Variants in PCCB observed in about 807,000 individuals in gnomAD.
The protein encoded by PCCB is propionyl-CoA carboxylase subunit beta.
PCCB carries 43 observed loss-of-function variants against 60.7 expected under a neutral mutation model. That is an observed-to-expected ratio of 0.71 (90% CI 0.55 to 0.91). PCCB has a LOEUF of 0.91. Among genes scored for constraint, PCCB ranks in the 40% least tolerant of loss-of-function variants. The pLI is 0.00. For missense variants in PCCB, 766 were observed against 702.8 expected (o/e 1.09, Z -1.02); for synonymous variants, 276 against 255.9 (o/e 1.08, Z -0.75).
rs1941479615 is a variant in PCCB at position 136,250,449 on chromosome 3, T to TC, written c.76dup (p.Arg26ProfsTer11). 6.2e-7 allele frequency: 1 copy of TC among 1,604,968 alleles called. No individual in the cohort carries two copies. Among genetic ancestry groups the TC allele is most frequent in the Non-Finnish European group, 8.5e-7 (1 of 1,176,078 alleles). ...CTGGCGAGCGGTCTCCGCGCCGCGG[T>TC]CCGCAGCCTTTGCAGCCAGGCCACC... On this transcript the variant is annotated frameshift_variant, in exon 1 of 15. Transcript: ENST00000251654. LOFTEE classifies it high-confidence loss of function.
intron 8 of PCCB, among the ~76,000 whole-genome samples, chr3:136,298,420 T>G (rs1229256133): frequency 6.6e-6 from 1 of 152,196 alleles, no homozygotes; most frequent in Non-Finnish European, 1.5e-5. Context: ...GTCTCCCATT[T>G]CCTTTCCTTC....
intron 3 of PCCB, among the ~76,000 whole-genome samples, chr3:136,257,201 A>G (rs563344040): frequency 6.6e-6 from 1 of 152,344 alleles, no homozygotes; most frequent in East Asian, 1.9e-4. Context: ...GGTGGGCCCA[A>G]TATAATCACA....
intron 7 of PCCB, among the ~76,000 whole-genome samples, chr3:136,294,980 C>T (rs976085272): frequency 2.0e-5 from 3 of 152,162 alleles, no homozygotes; most frequent in Non-Finnish European, 4.4e-5. Flanking sequence ...TTCTGTGCCT[C>T]AGCACTGAAA....
At chr3:136,312,614 G>C (rs1236397057) in intron 9 of PCCB, among the ~76,000 whole-genome samples, 1 of 151,860 alleles carries the variant, frequency 6.6e-6, no homozygotes, top group Non-Finnish European at 1.5e-5. Context: ...ACTACAAATG[G>C]GTCAGAAAAC....
rs1414240638 is a variant in PCCB at position 136,293,720 on chromosome 3, T to C, written c.655-36T>C. On this transcript the variant is annotated intron_variant, in intron 6 of 14. Coordinates refer to ENST00000251654, the MANE Select transcript of PCCB (RefSeq NM_000532.5). ...CTAAGGCTGTGACCAGCTCTGGTGC[T>C]CTGAGGTTGACTGTTCTGGAAATCT... 7 of 1,308,484 alleles carry C rather than the reference T, an allele frequency of 5.3e-6. No individual in the cohort carries two copies. The East Asian group carries it at 1.2e-4, about 22-fold the overall frequency. The allele number at this position is 1,308,484 out of a possible 1,614,324, so 81.1% of individuals were successfully genotyped here.
Position 136,253,197 on chromosome 3 carries a change from C to G in PCCB, c.183+2639C>G, listed in dbSNP as rs1304559557. On this transcript the variant is annotated intron_variant, in intron 1 of 14. Coordinates refer to ENST00000251654, the MANE Select transcript of PCCB (RefSeq NM_000532.5). ...CTCCGCCTCCCGGGTTCATGCCGTT[C>G]TCCTGCCTCAGCCTCCTGAGTAGCT... is the stretch of plus-strand genomic sequence containing the variant. Among the ~76,000 whole-genome samples, 4 of 147,662 alleles carry G rather than the reference C, an allele frequency of 2.7e-5. No homozygotes were observed. The East Asian group carries it at 8.3e-4, about 31-fold the overall frequency.
intron 5 of PCCB, among the ~76,000 whole-genome samples, chr3:136,283,102 C>CCAAG (rs1478282806): frequency 6.6e-6 from 1 of 152,118 alleles, no homozygotes; most frequent in Non-Finnish European, 1.5e-5. Flanking sequence ...GGGCTTAGAG[C>CCAAG]CAAGGCAGGC....
chr3:136,269,885 CAAAAAAAA>C (rs1159032335), intron 5 of PCCB, among the ~76,000 whole-genome samples: 1 of 60,658 alleles, frequency 1.6e-5, no homozygotes, highest in Non-Finnish European at 3.4e-5. Context: ...GACTCTGTCT[CAAAAAAAA>C]AAAAAAAAAA....
chr3:136,299,886 A>G (rs1361548438), intron 8 of PCCB, among the ~76,000 whole-genome samples: 1 of 151,898 alleles, frequency 6.6e-6, no homozygotes, highest in Non-Finnish European at 1.5e-5. Flanking sequence ...ATGTGTATGT[A>G]CGTATATGCG....
intron 5 of PCCB, among the ~76,000 whole-genome samples, chr3:136,266,291 GC>G (rs1457530532): frequency 6.6e-6 from 1 of 152,086 alleles, no homozygotes; most frequent in African/African-American, 2.4e-5. Context: ...ACCATGGCTG[GC>G]TAATTTTGGT....
intron 9 of PCCB, among the ~76,000 whole-genome samples, chr3:136,316,180 A>G (rs1934885588): frequency 6.6e-6 from 1 of 151,512 alleles, no homozygotes; most frequent in African/African-American, 2.4e-5. Flanking sequence ...TAATTGCACC[A>G]CTGCATTCCA....
chr3:136,261,465 T>C (rs1253497137), intron 4 of PCCB, among the ~76,000 whole-genome samples: 1 of 152,224 alleles, frequency 6.6e-6, no homozygotes, highest in Non-Finnish European at 1.5e-5. Context: ...GTAGGAATAT[T>C]GCTTATTATG....
At chr3:136,256,700 T>C in intron 3 of PCCB, 77 bp downstream of exon 3, 1 of 1,029,686 alleles carries the variant, frequency 9.7e-7, no homozygotes, top group East Asian at 2.4e-5. Context: ...GAAGCCAATC[T>C]TGGGGAATGA....
chr3:136,299,850 G>A lies in PCCB; in HGVS notation c.885-1180G>A, dbSNP rs374751051. Among the ~76,000 whole-genome samples, 194 of 151,384 alleles carry A rather than the reference G, an allele frequency of 1.3e-3. 5 individuals are homozygous for A. Among genetic ancestry groups the A allele is most frequent in the East Asian group, 4.6e-3 (23 of 5,008 alleles). On this transcript the variant is annotated intron_variant, in intron 8 of 14. Coordinates refer to ENST00000251654, the MANE Select transcript of PCCB (RefSeq NM_000532.5). Reference sequence around the variant, plus strand: ...TATGTATATGCATGTGTATGTATATGCATGCATATGTATGTATATGCATGC... The same window carrying A: ...TATGTATATGCATGTGTATGTATATACATGCATATGTATGTATATGCATGC...
At chr3:136,263,197 C>T (rs886438821) in intron 5 of PCCB, among the ~76,000 whole-genome samples, 1 of 151,564 alleles carries the variant, frequency 6.6e-6, no homozygotes, top group African/African-American at 2.4e-5. Context: ...TTGTGATCCG[C>T]CCACCTCGGC....
At chr3:136,275,504 G>A (rs1418540640) in intron 5 of PCCB, among the ~76,000 whole-genome samples, 1 of 151,916 alleles carries the variant, frequency 6.6e-6, no homozygotes, top group Non-Finnish European at 1.5e-5. Flanking sequence ...ATAGAACCCT[G>A]TTTTGTCTTA....
intron 3 of PCCB, among the ~76,000 whole-genome samples, chr3:136,257,265 A>G (rs1034047449): frequency 6.6e-6 from 1 of 152,164 alleles, no homozygotes; most frequent in Non-Finnish European, 1.5e-5. Flanking sequence ...AGGATGTGAT[A>G]TGAGAAGGAC....
At chr3:136,313,835 T>A (rs1374604422) in intron 9 of PCCB, among the ~76,000 whole-genome samples, 1 of 152,210 alleles carries the variant, frequency 6.6e-6, no homozygotes. Context: ...CCATTTTCTC[T>A]GTATTTGAGG....
At chr3:136,250,897 A>G (rs1941496051) in intron 1 of PCCB, among the ~76,000 whole-genome samples, 1 of 152,172 alleles carries the variant, frequency 6.6e-6, no homozygotes, top group Non-Finnish European at 1.5e-5. Context: ...GTATCGTTAG[A>G]CCATAGATAG....
Sources: allele counts gnomAD v4.1 joint callset (sites outside exome capture counted in the v4.1 genomes callset), GRCh38; gene constraint gnomAD v4.1.1; transcripts MANE v1.5; gene names NCBI Gene and HGNC (gene_info 2026-07-23, HGNC 2026-07-21).